The following ASPG variants were observed in gnomAD, a reference collection of about 807,000 sequenced individuals.
ASPG encodes asparaginase.
ASPG carries 53 observed loss-of-function variants against 63.2 expected under a neutral mutation model. That is an observed-to-expected ratio of 0.84 (90% CI 0.67 to 1.05). The LOEUF (loss-of-function observed/expected upper bound fraction) is 1.05. Ranked by LOEUF, ASPG falls within the 50% of genes least tolerant of loss-of-function variation. ASPG has a pLI of 0.00. For synonymous variants in ASPG, 370 were observed against 355.0 expected, an observed-to-expected ratio of 1.04 and a Z score of -0.48; for missense variants, 741 against 794.4, an observed-to-expected ratio of 0.93 and a Z score of 0.81.
intron 4 of ASPG, among the ~76,000 whole-genome samples, chr14:104,096,939 G>T (rs527456440): frequency 2.5e-4 from 38 of 152,338 alleles, no homozygotes; most frequent in African/African-American, 8.4e-4. Context: ...CTCCTGGGAC[G>T]CGCTGTTCAG....
In ASPG at chr14:104,109,018, C is replaced by CAA. The variant is rs1566841751; in HGVS notation, c.1434-209_1434-208dup. 4.1e-6 allele frequency: 4 copies of CAA among 985,334 alleles called. No homozygotes were observed. The highest frequency in any genetic ancestry group is 3.6e-6 in the Non-Finnish European group (3 of 829,906). The allele number at this position is 985,334 out of a possible 1,614,324, so 61.0% of individuals were successfully genotyped here. A position where few individuals can be genotyped will look rare whatever the true frequency, so the allele number is the denominator to read the frequency against. ...AGCTGCCCTAAGAAGGAGTACTGGA[C>CAA]AAATGGAGGTGGTGGGATCCCGGGA... On this transcript the variant is annotated intron_variant, in intron 12 of 15. Coordinates refer to ENST00000551177, the MANE Select transcript of ASPG (RefSeq NM_001080464.3). The surrounding 1 kb of genome is among the most constrained non-coding windows in gnomAD (Gnocchi z 4.8).
At position 104,106,900 on chromosome 14, in the gene ASPG, C is replaced by A. The variant is rs569118204; in HGVS notation, c.1269+6C>A. On this transcript the variant is annotated splice_donor_region_variant and intron_variant, in intron 11 of 15. Transcript: ENST00000551177. ...TGCAGGCGCTTGTGGAGCTGGTGAG[C>A]CTCCCCCACCCTGGGGGCCCAGCCC... is the stretch of plus-strand genomic sequence containing the variant. The A allele has an allele frequency of 3.2e-6, 5 of 1,564,418 alleles. No homozygotes were observed. The African/African-American group carries it at 5.4e-5, about 17-fold the overall frequency.
chr14:104,110,126 G>A lies in ASPG; in HGVS notation c.1520+811G>A, dbSNP rs568844671. ...GGACGACTCCGAGGGACCCAAAAAG[G>A]AGAGTCGGAGGCAGGAGACCTGGGC... On this transcript the variant is annotated intron_variant, in intron 13 of 15. Transcript: ENST00000551177. This position sits in a 1 kb window ranked among gnomAD's most constrained non-coding sequence, Gnocchi z 4.7. 2.0e-5 allele frequency: 20 copies of A among 985,386 alleles called. No homozygotes were observed. In the African/African-American group the frequency reaches 3.1e-4, roughly 15 times the overall value. 61.0% of individuals were successfully genotyped at this position (985,386 alleles called of 1,614,324 possible).
At chr14:104,097,373 C>T (rs961314717) in intron 4 of ASPG, among the ~76,000 whole-genome samples, 181 bp from the exon 5 acceptor site, 1 of 152,168 alleles carries the variant, frequency 6.6e-6, no homozygotes, top group Non-Finnish European at 1.5e-5. Context: ...CTGAGTGCCC[C>T]GTTCCCCCAA....
chr14:104,092,782 G>A (rs776725364), intron 2 of ASPG, 41 bp downstream of exon 2: 1 of 1,493,426 alleles, frequency 6.7e-7, no homozygotes, highest in South Asian at 1.2e-5. Context: ...GGGCATGGCT[G>A]CTGAGGGGCA....
At chr14:104,097,913 G>A (rs1457488092) in intron 5 of ASPG, among the ~76,000 whole-genome samples, 2 of 131,594 alleles carry the variant, frequency 1.5e-5, no homozygotes, top group Non-Finnish European at 1.7e-5. Context: ...TGCGTATGGA[G>A]GTTCTGCGTT....
intron 9 of ASPG, 161 bp from the exon 10 acceptor site, chr14:104,105,167 A>G: frequency 8.9e-7 from 1 of 1,128,886 alleles, no homozygotes; most frequent in Non-Finnish European, 1.3e-6. Context: ...TGGCCTTGGG[A>G]GGGGACCCAG....
intron 6 of ASPG, among the ~76,000 whole-genome samples, chr14:104,103,032 G>A (rs192598377): frequency 3.3e-5 from 5 of 152,342 alleles, no homozygotes; most frequent in East Asian, 1.9e-4. Context: ...CCACTGACCC[G>A]GTGGGCAGTG....
In ASPG at chr14:104,110,432, T is replaced by TG. The variant is rs1596114192; in HGVS notation, c.1521-1066dup. On this transcript the variant is annotated intron_variant, in intron 13 of 15. Coordinates refer to ENST00000551177, the MANE Select transcript of ASPG (RefSeq NM_001080464.3). The surrounding 1 kb of genome is among the most constrained non-coding windows in gnomAD (Gnocchi z 4.7). Reference sequence around the variant, plus strand: ...AGGCCTTGCTGGCTCCATTGACAGATGGGGAAACTGAGGCAGTAGTCAGGT... The same window carrying TG: ...AGGCCTTGCTGGCTCCATTGACAGATGGGGGAAACTGAGGCAGTAGTCAGGT... The TG allele has an allele frequency of 2.0e-6, 2 of 985,116 alleles. No homozygotes were observed. Among genetic ancestry groups the TG allele is most frequent in the Non-Finnish European group, 2.4e-6 (2 of 829,860 alleles). The allele number at this position is 985,116 out of a possible 1,614,324, so 61.0% of individuals were successfully genotyped here. A position where few individuals can be genotyped will look rare whatever the true frequency, so the allele number is the denominator to read the frequency against.
At chr14:104,090,395 G>A (rs1596062868) in intron 1 of ASPG, among the ~76,000 whole-genome samples, 2 of 152,360 alleles carry the variant, frequency 1.3e-5, no homozygotes, top group East Asian at 3.9e-4. Flanking sequence ...TTCACCCGCC[G>A]TGATGAGTGG....
intron 10 of ASPG, 147 bp downstream of exon 10, chr14:104,105,597 G>T (rs2037088695): frequency 1.7e-6 from 2 of 1,185,730 alleles, no homozygotes; most frequent in Non-Finnish European, 2.3e-6. Flanking sequence ...GGCCCAGGAG[G>T]AGGGTTTGGG....
rs1418140277 is a variant in ASPG, at chr14:104,091,066, A to G, written c.83-1567A>G. 6.6e-6 allele frequency among the ~76,000 whole-genome samples: 1 copy of G among 152,016 alleles called. No individual in the cohort carries two copies. The highest frequency in any genetic ancestry group is 6.6e-5 in the Admixed American group (1 of 15,256). ...TTATTCGTAAAGACAGGGTTTCACC[A>G]TGTTGACCAGGCTGGTCTTGAATTC... On this transcript the variant is annotated intron_variant, in intron 1 of 15. Coordinates refer to ENST00000551177, the MANE Select transcript of ASPG (RefSeq NM_001080464.3). This position sits in a 1 kb window ranked among gnomAD's most constrained non-coding sequence, Gnocchi z 6.4.
intron 3 of ASPG, 52 bp from the exon 4 acceptor site, chr14:104,095,479 C>T: frequency 1.2e-6 from 2 of 1,608,874 alleles, no homozygotes; most frequent in Non-Finnish European, 1.7e-6. Flanking sequence ...GCAACCTCCC[C>T]CACACCTGCT....
At chr14:104,086,016 C>G (rs1360847389) in intron 1 of ASPG, among the ~76,000 whole-genome samples, 164 bp downstream of exon 1, 1 of 152,136 alleles carries the variant, frequency 6.6e-6, no homozygotes, top group Non-Finnish European at 1.5e-5. Context: ...GGCGTCCCCA[C>G]GCATGGAGCC....
chr14:104,094,006 C>T (rs1358667757), intron 3 of ASPG, among the ~76,000 whole-genome samples: 2 of 151,498 alleles, frequency 1.3e-5, no homozygotes, highest in Admixed American at 6.6e-5. Context: ...CACTCTGGGA[C>T]GGGTGAGGAG....
At chr14:104,090,387 C>T (rs1351187228) in intron 1 of ASPG, among the ~76,000 whole-genome samples, 1 of 152,242 alleles carries the variant, frequency 6.6e-6, no homozygotes, top group Non-Finnish European at 1.5e-5. Flanking sequence ...ACCCCAGCTT[C>T]ACCCGCCGTG....
chr14:104,085,738 A>AC lies in ASPG; in HGVS notation c.-28dup, dbSNP rs1259223771. 3 of 1,530,832 alleles carry AC rather than the reference A, an allele frequency of 2.0e-6. No individual in the cohort carries two copies. The highest frequency in any genetic ancestry group is 2.6e-6 in the Non-Finnish European group (3 of 1,149,028). 94.8% of individuals were successfully genotyped at this position (1,530,832 alleles called of 1,614,324 possible). On this transcript the variant is annotated 5_prime_UTR_variant, in exon 1 of 16. Transcript: ENST00000551177. Reference sequence around the variant, plus strand: ...CGCAGGCCCTGCGTCCCCGCTGCACACCCCCGTCCACTCCCGTGGTCCCCG... The same window carrying AC: ...CGCAGGCCCTGCGTCCCCGCTGCACACCCCCCGTCCACTCCCGTGGTCCCCG...
At position 104,112,528 on chromosome 14, in the gene ASPG, T is replaced by C. The variant is rs1419287830; in HGVS notation, c.1706T>C (p.Val569Ala). ...CAGGAGCCCTCATGTTTTCAGGAAG[T>C]GCTGCCTGGTGTCTAACCTGAAGGC... ...AVGAQAPCPE[V>A]LPGV Residue 569 changes from valine to alanine, a missense_variant, in exon 16 of 16, where the codon GTG (valine) becomes GCG (alanine). Physicochemically the swap from Val to Ala is moderately conservative, Grantham distance 64. Transcript: ENST00000551177. 2 of 1,501,226 alleles carry C rather than the reference T, an allele frequency of 1.3e-6. No homozygotes were observed. Among genetic ancestry groups the C allele is most frequent in the South Asian group, 1.1e-5 (1 of 88,470 alleles). The allele number at this position is 1,501,226 out of a possible 1,614,324, so 93.0% of individuals were successfully genotyped here. A position where few individuals can be genotyped will look rare whatever the true frequency, so the allele number is the denominator to read the frequency against.
Position 104,092,712 on chromosome 14 carries a change from C to T in ASPG, c.162C>T (p.Arg54=), listed in dbSNP as rs977954354. 21 of 1,536,934 alleles carry T rather than the reference C, an allele frequency of 1.4e-5. No homozygotes were observed. In the East Asian group the frequency reaches 1.7e-4, roughly 13 times the overall value. The change falls in exon 2 of 16, where the codon CGC becomes CGT. Residue 54 remains arginine, a synonymous_variant. Coordinates refer to ENST00000551177, the MANE Select transcript of ASPG (RefSeq NM_001080464.3). The part of the protein sequence containing the change: ...MFHDEEHARA[R]GLSEDTLVLP... Reference sequence around the variant, plus strand: ...ATGACGAGGAGCACGCCCGAGCCCGCGGCCTCTCTGAGGACACCCTGGTGC... The same window carrying T: ...ATGACGAGGAGCACGCCCGAGCCCGTGGCCTCTCTGAGGACACCCTGGTGC...
Sources: gnomAD v4.1 joint callset for allele counts (sites outside exome capture counted in the v4.1 genomes callset) on GRCh38, gnomAD v4.1.1 for gene constraint, Gnocchi (gnomAD v3.1) non-coding constraint, MANE v1.5 for transcripts, NCBI Gene and HGNC (gene_info 2026-07-23, HGNC 2026-07-21) for gene names.